Variants in SPRED2 observed in about 807,000 individuals in gnomAD.
SPRED2 encodes sprouty-related, EVH1 domain-containing protein 2.
In SPRED2, 47 loss-of-function variants were observed where a neutral mutation model predicts 43.0. The observed-to-expected ratio is 1.09, with a 90% CI of 0.87 to 1.40. SPRED2 has a LOEUF of 1.40. SPRED2 is among the 40% of genes most tolerant of loss of function. The pLI, the probability that SPRED2 is intolerant of heterozygous loss-of-function variation, is 0.00. For synonymous variants in SPRED2, 225 were observed against 225.7 expected, an observed-to-expected ratio of 1.00 and a Z score of 0.03; for missense variants, 561 against 586.4, an observed-to-expected ratio of 0.96 and a Z score of 0.45.
At chr2:65,354,670 A>T (rs1210194875) in intron 1 of SPRED2, among the ~76,000 whole-genome samples, 4 of 151,638 alleles carry the variant, frequency 2.6e-5, no homozygotes, top group Admixed American at 6.6e-5. Context: ...TCTTTTCAGC[A>T]TTTTAATTCA....
intron 1 of SPRED2, among the ~76,000 whole-genome samples, chr2:65,366,401 T>C (rs1231759379): frequency 6.6e-6 from 1 of 152,178 alleles, no homozygotes. Flanking sequence ...TCTGTGTCTA[T>C]CAACAGACCA....
intron 3 of SPRED2, among the ~76,000 whole-genome samples, chr2:65,333,558 T>C (rs1240019972): frequency 6.6e-6 from 1 of 152,214 alleles, no homozygotes; most frequent in East Asian, 1.9e-4. Flanking sequence ...ATTAAGTACA[T>C]GGACACAATG....
rs1335792836 is a variant in SPRED2 at position 65,401,953 on chromosome 2, A to G, written c.26+30009T>C. On this transcript the variant is annotated intron_variant, in intron 1 of 5. Coordinates refer to ENST00000356388, the MANE Select transcript of SPRED2 (RefSeq NM_181784.3). ...CGCGCGCGCGCACACACACACACAC[A>G]CACACACACACACACACACACCTGT... Among the ~76,000 whole-genome samples, 299 of 151,250 alleles carry G rather than the reference A, an allele frequency of 2.0e-3. 5 individuals carry two copies. Among genetic ancestry groups the G allele is most frequent in the Admixed American group, 5.7e-3 (86 of 15,210 alleles).
At chr2:65,327,209 A>G (rs951860160) in intron 4 of SPRED2, among the ~76,000 whole-genome samples, 9 of 152,168 alleles carry the variant, frequency 5.9e-5, no homozygotes, top group African/African-American at 1.9e-4. Flanking sequence ...GACTCTGATA[A>G]ACCCACAGTT....
chr2:65,407,878 C>T (rs977908781), intron 1 of SPRED2, among the ~76,000 whole-genome samples: 1 of 152,154 alleles, frequency 6.6e-6, no homozygotes, highest in Admixed American at 6.5e-5. Flanking sequence ...ATTTTTACTT[C>T]TCAGAACAAA....
At chr2:65,356,616 A>G (rs746766154) in intron 1 of SPRED2, among the ~76,000 whole-genome samples, 14 of 147,590 alleles carry the variant, frequency 9.5e-5, no homozygotes, top group Non-Finnish European at 2.1e-4. Flanking sequence ...ACCTAATAAG[A>G]AGGTCAGGAA....
At chr2:65,363,415 T>A (rs1050327595) in intron 1 of SPRED2, among the ~76,000 whole-genome samples, 49 of 152,166 alleles carry the variant, frequency 3.2e-4, no homozygotes, top group African/African-American at 1.2e-3. Context: ...AAGAGGGTGA[T>A]CATTCATCCC....
At chr2:65,333,482 A>G (rs183236642) in intron 3 of SPRED2, among the ~76,000 whole-genome samples, 4 of 152,112 alleles carry the variant, frequency 2.6e-5, no homozygotes, top group South Asian at 2.1e-4. Flanking sequence ...AAACTGGTGG[A>G]AAAAAAAGCT....
chr2:65,429,202 T>A (rs1233937793), intron 1 of SPRED2, among the ~76,000 whole-genome samples: 1 of 152,240 alleles, frequency 6.6e-6, no homozygotes, highest in East Asian at 1.9e-4. Flanking sequence ...ATTTACTGCA[T>A]TCTGATGCTA....
In SPRED2 at chr2:65,385,516, C is replaced by T. The variant is rs72822494; in HGVS notation, c.27-40620G>A. Among the ~76,000 whole-genome samples the T allele has an allele frequency of 6.0e-3, 908 of 152,212 alleles. 1 individual carries two copies. Among genetic ancestry groups the T allele is most frequent in the Admixed American group, 0.012 (178 of 15,294 alleles). On this transcript the variant is annotated intron_variant, in intron 1 of 5. Coordinates refer to ENST00000356388, the MANE Select transcript of SPRED2 (RefSeq NM_181784.3). ...TTCACAGGTAACCATGCCAGTGCTG[C>T]AGTGGAGGGGAGGCGTGGCAGAGGG...
chr2:65,394,487 T>C (rs567597880), intron 1 of SPRED2, among the ~76,000 whole-genome samples: 1 of 152,110 alleles, frequency 6.6e-6, no homozygotes, highest in Admixed American at 6.5e-5. Context: ...GGCCTCTGGG[T>C]CAAATCTAAC....
intron 1 of SPRED2, among the ~76,000 whole-genome samples, chr2:65,394,023 A>G (rs139116633): frequency 6.6e-6 from 1 of 152,306 alleles, no homozygotes; most frequent in Non-Finnish European, 1.5e-5. Context: ...TGAGGAGTAT[A>G]AGGACGTGTG....
At chr2:65,413,777 G>C (rs1676215429) in intron 1 of SPRED2, among the ~76,000 whole-genome samples, 1 of 152,138 alleles carries the variant, frequency 6.6e-6, no homozygotes, top group Non-Finnish European at 1.5e-5. Context: ...ATCACAAATA[G>C]CCCTAACTCC....
At chr2:65,332,731 A>G (rs895127062) in intron 3 of SPRED2, among the ~76,000 whole-genome samples, 2 of 152,150 alleles carry the variant, frequency 1.3e-5, no homozygotes, top group South Asian at 2.1e-4. Flanking sequence ...CATGGAACCA[A>G]TTGGATTTTA....
At position 65,432,020 on chromosome 2, in the gene SPRED2, G is replaced by C; in HGVS notation, c.-33C>G. The C allele has an allele frequency of 6.2e-7, 1 of 1,613,600 alleles. No homozygotes were observed. On this transcript the variant is annotated 5_prime_UTR_variant, in exon 1 of 6. Coordinates refer to ENST00000356388, the MANE Select transcript of SPRED2 (RefSeq NM_181784.3). Reference sequence around the variant, plus strand: ...TTCACCTAGACGCCTGTCCCGCGGCGGGCAGCTTTGCTCCCTTCATCTTCC... The same window carrying C: ...TTCACCTAGACGCCTGTCCCGCGGCCGGCAGCTTTGCTCCCTTCATCTTCC...
At chr2:65,409,870 A>C (rs1442772086) in intron 1 of SPRED2, among the ~76,000 whole-genome samples, 1 of 151,386 alleles carries the variant, frequency 6.6e-6, no homozygotes, top group Non-Finnish European at 1.5e-5. Context: ...CCTCTACTAA[A>C]AATACAAAAA....
At chr2:65,347,291 T>C (rs552909134) in intron 1 of SPRED2, among the ~76,000 whole-genome samples, 1 of 152,122 alleles carries the variant, frequency 6.6e-6, no homozygotes, top group Admixed American at 6.5e-5. Context: ...CTACCTACTC[T>C]GTAACCCCAC....
intron 1 of SPRED2, among the ~76,000 whole-genome samples, chr2:65,388,455 C>A (rs748087071): frequency 6.6e-6 from 1 of 152,132 alleles, no homozygotes; most frequent in Non-Finnish European, 1.5e-5. Context: ...TGATCCTGGG[C>A]CTTGAAAAAT....
intron 4 of SPRED2, among the ~76,000 whole-genome samples, chr2:65,327,866 G>A (rs981699544): frequency 4.6e-5 from 7 of 151,686 alleles, no homozygotes; most frequent in African/African-American, 1.7e-4. Context: ...TGGGATTACA[G>A]GGGCCCGCCA....
Sources: allele counts gnomAD v4.1 joint callset (sites outside exome capture counted in the v4.1 genomes callset), GRCh38; gene constraint gnomAD v4.1.1; transcripts MANE v1.5; gene names NCBI Gene and HGNC (gene_info 2026-07-23, HGNC 2026-07-21).